The following HUWE1 variants were observed in gnomAD, a reference collection of about 807,000 sequenced individuals.
HUWE1 encodes HECT, UBA and WWE domain containing E3 ubiquitin protein ligase 1.
HUWE1 carries 18 observed loss-of-function variants against 299.4 expected under a neutral mutation model. That is an observed-to-expected ratio of 0.06 (90% confidence interval 0.04 to 0.09). The LOEUF is 0.09. Ranked by LOEUF, HUWE1 falls within the 10% of genes least tolerant of loss-of-function variation. HUWE1 has a pLI of 1.00. For synonymous variants in HUWE1, 1,317 were observed against 1,286.1 expected (o/e 1.02, Z -0.51); for missense variants, 1,832 against 3,462.3 (o/e 0.53, Z 11.82).
intron 3 of HUWE1, among the ~76,000 whole-genome samples, chrX:53,663,697 T>C (rs2069121624): frequency 9.0e-6 from 1 of 111,157 alleles, no homozygotes; most frequent in Non-Finnish European, 1.9e-5. Flanking sequence ...ATTTAGCCTC[T>C]ATTTCACTGT....
intron 74 of HUWE1, among the ~76,000 whole-genome samples, chrX:53,540,878 G>C (rs1244416540): frequency 8.9e-6 from 1 of 111,761 alleles, no homozygotes; most frequent in Non-Finnish European, 1.9e-5. Context: ...GACCTTTGCT[G>C]TTCATCCTTT....
chrX:53,565,844 C>T (rs1247229391), intron 49 of HUWE1, among the ~76,000 whole-genome samples: 4 of 109,356 alleles, frequency 3.7e-5, no homozygotes, highest in Non-Finnish European at 5.7e-5. Flanking sequence ...GTTGCTCATG[C>T]TGATCTCGAA....
intron 3 of HUWE1, among the ~76,000 whole-genome samples, chrX:53,657,845 C>A: frequency 9.2e-6 from 1 of 109,118 alleles, no homozygotes; most frequent in Middle Eastern, 4.7e-3. Context: ...GTCAGGAGAT[C>A]GAGACCATCC....
At chrX:53,644,967 G>A (rs782013486) in intron 7 of HUWE1, among the ~76,000 whole-genome samples, 1 of 111,983 alleles carries the variant, frequency 8.9e-6, no homozygotes, top group Non-Finnish European at 1.9e-5. Context: ...CAGTGTCGGC[G>A]CTAGTAAGCA....
chrX:53,600,299 C>T lies in HUWE1; in HGVS notation c.2982G>A (p.Gln994=), dbSNP rs782223924. ...TQGGKRSDGE[Q]DGAAGSMDAS... is the part of the protein sequence containing the mutation. ...CATCCATACTTCCAGCTGCTCCATC[C>T]TGTTCCCCATCTACAGATGTATAAG... The change falls in exon 29 of 84, where the codon CAG becomes CAA. Residue 994 remains glutamine (Q), a synonymous_variant. Transcript: ENST00000262854. The T allele has an allele frequency of 5.0e-6, 6 of 1,200,691 alleles. No homozygotes were observed. The Admixed American group carries it at 1.1e-4, about 22-fold the overall frequency.
intron 3 of HUWE1, among the ~76,000 whole-genome samples, chrX:53,669,888 T>TGTG (rs2069430958): frequency 8.9e-6 from 1 of 112,416 alleles, no homozygotes; most frequent in Non-Finnish European, 1.9e-5. Flanking sequence ...AATACTTAAC[T>TGTG]ATAATGCTAA....
chrX:53,653,367 TTAA>T (rs1193120114), intron 4 of HUWE1, among the ~76,000 whole-genome samples: 1 of 111,464 alleles, frequency 9.0e-6, no homozygotes, highest in Admixed American at 9.5e-5. Context: ...ACCAGGCAAG[TTAA>T]TAACCTCTCA....
rs782180071 is a variant in HUWE1 at position 53,575,614 on chromosome X, A to T, written c.6030+29T>A. ...ACACAGGCATTGAAAAATGAGAAGA[A>T]AGATAAAACGCTGTTGGAATTGACT... On this transcript the variant is annotated intron_variant, in intron 45 of 83. Transcript: ENST00000262854. 11 of 1,200,045 alleles carry T rather than the reference A, an allele frequency of 9.2e-6. No homozygotes were observed. In the South Asian group the frequency reaches 1.9e-4, roughly 21 times the overall value.
chrX:53,626,535 A>T (rs1185816876), intron 17 of HUWE1, among the ~76,000 whole-genome samples: 1 of 111,734 alleles, frequency 8.9e-6, no homozygotes, highest in Non-Finnish European at 1.9e-5. Context: ...TACTACATAC[A>T]TACTTAACAT....
intron 67 of HUWE1, 44 bp from the exon 68 acceptor site, chrX:53,548,317 C>G: frequency 8.4e-7 from 1 of 1,191,150 alleles, no homozygotes; most frequent in Non-Finnish European, 1.1e-6. Context: ...GACGTCTTCA[C>G]AGAGGATGAG....
At chrX:53,589,046 A>G (rs1449919844) in intron 36 of HUWE1, among the ~76,000 whole-genome samples, 1 of 112,837 alleles carries the variant, frequency 8.9e-6, no homozygotes. Flanking sequence ...GAAACATTAC[A>G]TAAAACAAGA....
intron 28 of HUWE1, among the ~76,000 whole-genome samples, chrX:53,601,263 C>T (rs1264399852): frequency 9.1e-6 from 1 of 109,434 alleles, no homozygotes; most frequent in Non-Finnish European, 1.9e-5. Flanking sequence ...CTCACCATAG[C>T]CTCAACTTCC....
intron 9 of HUWE1, 105 bp from the exon 10 acceptor site, chrX:53,631,719 T>A: frequency 1.8e-6 from 1 of 569,672 alleles, no homozygotes; most frequent in Non-Finnish European, 3.1e-6. Context: ...TGTCACCTAA[T>A]AGGCTGAAGC....
intron 60 of HUWE1, among the ~76,000 whole-genome samples, chrX:53,555,278 C>A (rs2061948527): frequency 1.8e-5 from 2 of 112,007 alleles, no homozygotes; most frequent in South Asian, 7.5e-4. Flanking sequence ...CCTATTGATC[C>A]TCCCACTTCA....
chrX:53,575,313 T>C (rs2063046840), intron 45 of HUWE1, 92 bp from the exon 46 acceptor site: 2 of 657,677 alleles, frequency 3.0e-6, no homozygotes, highest in African/African-American at 2.1e-5. Flanking sequence ...TGGCTGGGAA[T>C]GCCACAGATT....
intron 19 of HUWE1, among the ~76,000 whole-genome samples, chrX:53,623,108 C>G (rs922976524): frequency 1.8e-5 from 2 of 111,289 alleles, no homozygotes; most frequent in East Asian, 5.6e-4. Context: ...CCGTGTCCCT[C>G]ACTTCTGGCA....
chrX:53,674,497 T>C (rs781887174), intron 3 of HUWE1, among the ~76,000 whole-genome samples: 52 of 112,366 alleles, frequency 4.6e-4, no homozygotes, highest in Admixed American at 3.6e-3. Flanking sequence ...TAAATGCATC[T>C]AAAGAGTAAG....
In HUWE1 at chrX:53,592,595, G is replaced by T. The variant is rs782556272; in HGVS notation, c.3775C>A (p.Arg1259=). 3.3e-6 allele frequency: 4 copies of T among 1,206,917 alleles called. No individual in the cohort carries two copies. In the African/African-American group the frequency reaches 7.0e-5, roughly 21 times the overall value. Residue 1259 remains arginine (R), a synonymous_variant, in exon 33 of 84, where the codon CGG becomes AGG. Coordinates refer to ENST00000262854, the MANE Select transcript of HUWE1 (RefSeq NM_031407.7). Reference sequence around the variant, plus strand: ...CCACCATATACCTTCAGGGGTTTCCGGTTCCATAAGTTTTTGATGCAAGTA... The same window carrying T: ...CCACCATATACCTTCAGGGGTTTCCTGTTCCATAAGTTTTTGATGCAAGTA... The part of the protein sequence containing the change: ...AFTCIKNLWN[R]KPLKVYGGRM...
chrX:53,538,587 AG>A, intron 76 of HUWE1, 133 bp from the exon 77 acceptor site: 1 of 566,901 alleles, frequency 1.8e-6, no homozygotes, highest in Non-Finnish European at 3.0e-6. Flanking sequence ...GTCAAAACCA[AG>A]GGCCAGCCCT....
Sources: allele counts gnomAD v4.1 joint callset (sites outside exome capture counted in the v4.1 genomes callset), GRCh38; gene constraint gnomAD v4.1.1; transcripts MANE v1.5; gene names NCBI Gene and HGNC (gene_info 2026-07-23, HGNC 2026-07-21).